Variants in UNC5D observed in about 807,000 individuals in gnomAD.
UNC5D encodes unc-5 netrin receptor D, also known as netrin receptor UNC5D.
Under a neutral mutation model 105.4 loss-of-function variants are expected in UNC5D, and 39 were observed. The ratio of observed to expected loss-of-function variants is 0.37; its 90% CI spans 0.29 to 0.48. The LOEUF (loss-of-function observed/expected upper bound fraction) is 0.48. Among genes scored for constraint, UNC5D ranks in the 20% least tolerant of loss-of-function variants. UNC5D has a pLI of 0.98. For synonymous variants in UNC5D, 452 were observed against 450.4 expected (o/e 1.00, Z -0.04); for missense variants, 991 against 1,202.4 (o/e 0.82, Z 2.60).
intron 1 of UNC5D, among the ~76,000 whole-genome samples, chr8:35,419,321 G>A (rs931170366): frequency 2.6e-5 from 4 of 152,142 alleles, no homozygotes; most frequent in African/African-American, 9.7e-5. Flanking sequence ...CAGGCTCACC[G>A]TTGGGCTAGT....
At chr8:35,388,676 A>G (rs1214161267) in intron 1 of UNC5D, among the ~76,000 whole-genome samples, 1 of 152,186 alleles carries the variant, frequency 6.6e-6, no homozygotes, top group East Asian at 1.9e-4. Flanking sequence ...CTTAATTCAA[A>G]CATAACTTCT....
At chr8:35,674,373 G>C (rs1431755272) in intron 4 of UNC5D, among the ~76,000 whole-genome samples, 1 of 152,116 alleles carries the variant, frequency 6.6e-6, no homozygotes, top group African/African-American at 2.4e-5. Flanking sequence ...GTCTATATAT[G>C]TTTATGTGTA....
intron 1 of UNC5D, among the ~76,000 whole-genome samples, chr8:35,251,014 T>C (rs1248776838): frequency 6.6e-6 from 1 of 152,192 alleles, no homozygotes; most frequent in African/African-American, 2.4e-5. Flanking sequence ...AAACTGTCCT[T>C]TCTTGAGAAT....
intron 1 of UNC5D, among the ~76,000 whole-genome samples, chr8:35,387,279 C>T (rs570659628): frequency 1.3e-5 from 2 of 150,724 alleles, no homozygotes; most frequent in South Asian, 4.2e-4. Flanking sequence ...AGGAGAATGG[C>T]GTGAACCCGG....
chr8:35,723,383 T>G (rs1179008983), intron 9 of UNC5D, among the ~76,000 whole-genome samples: 1 of 152,190 alleles, frequency 6.6e-6, no homozygotes, highest in East Asian at 1.9e-4. Flanking sequence ...GACATATAGT[T>G]TAGTATATGT....
intron 1 of UNC5D, among the ~76,000 whole-genome samples, chr8:35,504,462 A>G (rs74791957): frequency 6.6e-6 from 1 of 152,206 alleles, no homozygotes; most frequent in Non-Finnish European, 1.5e-5. Flanking sequence ...AAAACCTTCA[A>G]GCTAATAACT....
At chr8:35,612,853 G>A (rs1455137303) in intron 4 of UNC5D, among the ~76,000 whole-genome samples, 1 of 149,164 alleles carries the variant, frequency 6.7e-6, no homozygotes, top group Non-Finnish European at 1.5e-5. Flanking sequence ...CCAATGTTTG[G>A]GGAATTTCTT....
At chr8:35,542,475 A>G (rs1438292723) in intron 1 of UNC5D, among the ~76,000 whole-genome samples, 1 of 152,232 alleles carries the variant, frequency 6.6e-6, no homozygotes, top group Non-Finnish European at 1.5e-5. Flanking sequence ...GCATTACTCT[A>G]TTTACATATT....
intron 4 of UNC5D, among the ~76,000 whole-genome samples, chr8:35,640,735 A>C (rs1822655546): frequency 6.6e-6 from 1 of 152,166 alleles, no homozygotes; most frequent in South Asian, 2.1e-4. Flanking sequence ...TGTAATTTTA[A>C]GTGTCATGTC....
At chr8:35,394,541 C>A (rs76212316) in intron 1 of UNC5D, among the ~76,000 whole-genome samples, 140 of 151,704 alleles carry the variant, frequency 9.2e-4, no homozygotes, top group African/African-American at 3.3e-3. Flanking sequence ...TCCTACTTTA[C>A]CTGCATCTAG....
intron 1 of UNC5D, among the ~76,000 whole-genome samples, chr8:35,412,830 C>T (rs372206823): frequency 6.6e-6 from 1 of 152,010 alleles, no homozygotes; most frequent in Non-Finnish European, 1.5e-5. Flanking sequence ...GTTAGATGTT[C>T]GTTCCAACTC....
intron 8 of UNC5D, among the ~76,000 whole-genome samples, chr8:35,707,968 A>G (rs879549765): frequency 5.3e-5 from 8 of 152,344 alleles, no homozygotes; most frequent in East Asian, 1.9e-4. Context: ...GAGGAATCCA[A>G]TCGGGGTTCT....
At chr8:35,559,975 T>A (rs1169734393) in intron 2 of UNC5D, among the ~76,000 whole-genome samples, 3 of 146,636 alleles carry the variant, frequency 2.0e-5, no homozygotes, top group African/African-American at 7.3e-5. Flanking sequence ...GTTTAGTACA[T>A]GCAGAGCAAT....
intron 1 of UNC5D, among the ~76,000 whole-genome samples, chr8:35,498,089 A>AC (rs1563474977): frequency 1.8e-3 from 136 of 74,674 alleles, no homozygotes; most frequent in African/African-American, 6.6e-3. Flanking sequence ...CAAAACAAAA[A>AC]AAAAAAAAAA....
intron 4 of UNC5D, among the ~76,000 whole-genome samples, chr8:35,601,539 G>A (rs1819885698): frequency 1.3e-5 from 2 of 152,050 alleles, no homozygotes; most frequent in South Asian, 4.1e-4. Flanking sequence ...GGATTCCTAG[G>A]TATTTTATTC....
At chr8:35,349,298 T>C (rs1389694519) in intron 1 of UNC5D, among the ~76,000 whole-genome samples, 1 of 152,016 alleles carries the variant, frequency 6.6e-6, no homozygotes, top group Non-Finnish European at 1.5e-5. Context: ...TTACACTCTG[T>C]TCTATTAGCC....
chr8:35,287,952 C>T (rs1244699800), intron 1 of UNC5D, among the ~76,000 whole-genome samples: 1 of 151,884 alleles, frequency 6.6e-6, no homozygotes, highest in East Asian at 1.9e-4. Context: ...GTGAAGAAGG[C>T]CTATGAAAAT....
intron 4 of UNC5D, among the ~76,000 whole-genome samples, chr8:35,678,656 G>A (rs992645873): frequency 2.6e-5 from 4 of 151,846 alleles, no homozygotes; most frequent in Non-Finnish European, 4.4e-5. Context: ...ACTCTTTCAT[G>A]TATTATGACC....
intron 1 of UNC5D, among the ~76,000 whole-genome samples, chr8:35,489,895 A>T (rs894156189): frequency 2.0e-5 from 3 of 152,250 alleles, no homozygotes; most frequent in Admixed American, 6.5e-5. Flanking sequence ...ATGTTCAGTT[A>T]TAATAACATT....
Sources: allele counts gnomAD v4.1 joint callset (sites outside exome capture counted in the v4.1 genomes callset), GRCh38; gene constraint gnomAD v4.1.1; transcripts MANE v1.5; gene names NCBI Gene and HGNC (gene_info 2026-07-23, HGNC 2026-07-21).